PPFIA2: variants seen among roughly 807,000 people sequenced by gnomAD.
The protein encoded by PPFIA2 is PPFI scaffold protein A2, also known as liprin-alpha-2.
Under a neutral mutation model 175.5 loss-of-function variants are expected in PPFIA2, and 46 were observed. The ratio of observed to expected loss-of-function variants is 0.26; its 90% confidence interval spans 0.21 to 0.34. The LOEUF (loss-of-function observed/expected upper bound fraction) is 0.34. Ranked by LOEUF, PPFIA2 falls within the 10% of genes least tolerant of loss-of-function variation. PPFIA2 has a pLI of 1.00. For missense variants in PPFIA2, 1,179 were observed against 1,506.1 expected (o/e 0.78, Z 3.60); for synonymous variants, 568 against 511.4 (o/e 1.11, Z -1.49).
At chr12:81,527,796 C>A (rs1350674233) in intron 4 of PPFIA2, among the ~76,000 whole-genome samples, 2 of 151,970 alleles carry the variant, frequency 1.3e-5, no homozygotes, top group African/African-American at 4.8e-5. Context: ...GGTTTAGTGA[C>A]CTTACAGGAG....
chr12:81,348,938 C>T (rs1365116536), intron 17 of PPFIA2, among the ~76,000 whole-genome samples: 1 of 151,946 alleles, frequency 6.6e-6, no homozygotes, highest in African/African-American at 2.4e-5. Context: ...ATTGGGATCC[C>T]CTCTTATATA....
chr12:81,528,264 A>T (rs1404881744), intron 4 of PPFIA2, among the ~76,000 whole-genome samples: 1 of 152,056 alleles, frequency 6.6e-6, no homozygotes, highest in Non-Finnish European at 1.5e-5. Flanking sequence ...AATTAAGAGA[A>T]ATCAAGAACT....
intron 4 of PPFIA2, among the ~76,000 whole-genome samples, chr12:81,664,456 T>G (rs1175075628): frequency 1.3e-5 from 2 of 152,114 alleles, no homozygotes; most frequent in Non-Finnish European, 2.9e-5. Flanking sequence ...TCACTGGCCA[T>G]CAGAGAAATG....
At chr12:81,598,593 T>A (rs2059491876) in intron 4 of PPFIA2, among the ~76,000 whole-genome samples, 1 of 152,040 alleles carries the variant, frequency 6.6e-6, no homozygotes, top group Non-Finnish European at 1.5e-5. Flanking sequence ...AATCTTTTAG[T>A]CACTCCCAGA....
At chr12:81,459,674 G>A (rs1478372901) in intron 4 of PPFIA2, among the ~76,000 whole-genome samples, 37 of 152,104 alleles carry the variant, frequency 2.4e-4, no homozygotes, top group Admixed American at 2.4e-3. Context: ...TTAAAGCAGA[G>A]GGGAGAAATT....
intron 4 of PPFIA2, among the ~76,000 whole-genome samples, chr12:81,496,323 CAA>C (rs1473327721): frequency 6.6e-6 from 1 of 152,114 alleles, no homozygotes; most frequent in East Asian, 1.9e-4. Flanking sequence ...AGTGAATTAA[CAA>C]AAAACTATAA....
At chr12:81,546,944 G>A (rs1248899088) in intron 4 of PPFIA2, among the ~76,000 whole-genome samples, 1 of 152,068 alleles carries the variant, frequency 6.6e-6, no homozygotes, top group African/African-American at 2.4e-5. Context: ...TTCTCTAATA[G>A]GGAAAGAGTT....
chr12:81,513,584 T>A (rs2062049341), intron 4 of PPFIA2, among the ~76,000 whole-genome samples: 1 of 151,964 alleles, frequency 6.6e-6, no homozygotes, highest in Admixed American at 6.6e-5. Context: ...GTACACAGAG[T>A]TCACATGTAC....
intron 4 of PPFIA2, among the ~76,000 whole-genome samples, chr12:81,599,962 T>C (rs1215017902): frequency 6.6e-6 from 1 of 151,986 alleles, no homozygotes; most frequent in Non-Finnish European, 1.5e-5. Context: ...ATCATATTAG[T>C]GGTACATGAC....
intron 4 of PPFIA2, among the ~76,000 whole-genome samples, chr12:81,497,158 C>A (rs1439641484): frequency 6.6e-6 from 1 of 152,136 alleles, no homozygotes; most frequent in African/African-American, 2.4e-5. Context: ...TAGAGACAAC[C>A]AAATGTTTAA....
chr12:81,697,772 C>G (rs2076055710), intron 3 of PPFIA2, among the ~76,000 whole-genome samples: 1 of 152,044 alleles, frequency 6.6e-6, no homozygotes, highest in Non-Finnish European at 1.5e-5. Flanking sequence ...TTTCCAGGCA[C>G]CTGGATCAAT....
intron 4 of PPFIA2, among the ~76,000 whole-genome samples, chr12:81,468,211 CT>C (rs1465504711): frequency 1.3e-5 from 2 of 152,218 alleles, no homozygotes; most frequent in East Asian, 3.8e-4. Flanking sequence ...CCAATTAATG[CT>C]CTTGTCCTTA....
At chr12:81,753,204 G>A (rs1364399211) in intron 3 of PPFIA2, among the ~76,000 whole-genome samples, 1 of 152,132 alleles carries the variant, frequency 6.6e-6, no homozygotes, top group African/African-American at 2.4e-5. Context: ...CAAAGTGCTA[G>A]GATTACAGGC....
chr12:81,575,760 C>A (rs2073407718), intron 4 of PPFIA2, among the ~76,000 whole-genome samples: 1 of 151,604 alleles, frequency 6.6e-6, no homozygotes, highest in Non-Finnish European at 1.5e-5. Context: ...GATTCAGTTG[C>A]ATATGTAAGT....
chr12:81,446,389 T>C, intron 5 of PPFIA2, among the ~76,000 whole-genome samples: 1 of 152,136 alleles, frequency 6.6e-6, no homozygotes, highest in Non-Finnish European at 1.5e-5. Context: ...CCTGAAGACT[T>C]TCCAGGCTGT....
intron 4 of PPFIA2, among the ~76,000 whole-genome samples, chr12:81,630,102 T>C (rs781762881): frequency 1.3e-5 from 2 of 152,140 alleles, no homozygotes; most frequent in Non-Finnish European, 2.9e-5. Context: ...ACTCTTGCAG[T>C]TGGAAAAGGC....
chr12:81,649,654 A>T (rs2066709573), intron 4 of PPFIA2, among the ~76,000 whole-genome samples: 1 of 152,202 alleles, frequency 6.6e-6, no homozygotes, highest in Non-Finnish European at 1.5e-5. Flanking sequence ...ATATCTATCA[A>T]ATGGCAACTG....
At chr12:81,493,850 T>C (rs2059715571) in intron 4 of PPFIA2, among the ~76,000 whole-genome samples, 1 of 148,196 alleles carries the variant, frequency 6.7e-6, no homozygotes, top group Non-Finnish European at 1.5e-5. Context: ...GGTGGGGAGA[T>C]ATGATGTTCA....
At chr12:81,589,667 G>A (rs1412728586) in intron 4 of PPFIA2, among the ~76,000 whole-genome samples, 2 of 152,100 alleles carry the variant, frequency 1.3e-5, no homozygotes, top group African/African-American at 2.4e-5. Flanking sequence ...ATAATGGAAA[G>A]AGCATGGATT....
Sources: allele counts gnomAD v4.1 joint callset (sites outside exome capture counted in the v4.1 genomes callset), GRCh38; gene constraint gnomAD v4.1.1; transcripts MANE v1.5; gene names NCBI Gene and HGNC (gene_info 2026-07-23, HGNC 2026-07-21).